Variants in FAM222A observed in about 807,000 individuals in gnomAD.
FAM222A encodes protein FAM222A.
FAM222A carries 7 observed loss-of-function variants against 25.8 expected under a neutral mutation model. That is an observed-to-expected ratio of 0.27 (90% confidence interval 0.15 to 0.51). The LOEUF is 0.51. Ranked by LOEUF, FAM222A falls within the 20% of genes least tolerant of loss-of-function variation. FAM222A has a pLI of 0.97. For synonymous variants in FAM222A, 294 were observed against 298.8 expected, an observed-to-expected ratio of 0.98 and a Z score of 0.17; for missense variants, 573 against 640.5, an observed-to-expected ratio of 0.89 and a Z score of 1.14.
At chr12:109,745,476 CG>C (rs1470181132) in intron 2 of FAM222A, among the ~76,000 whole-genome samples, 1 of 152,136 alleles carries the variant, frequency 6.6e-6, no homozygotes, top group African/African-American at 2.4e-5. Context: ...GTGGAAATAC[CG>C]GGTCAAACGG....
chr12:109,751,735 C>A (rs1888564123), intron 2 of FAM222A, among the ~76,000 whole-genome samples: 1 of 152,246 alleles, frequency 6.6e-6, no homozygotes, highest in African/African-American at 2.4e-5. Context: ...CCTCCTTTCA[C>A]TGCTTCAAAT....
intron 2 of FAM222A, 41 bp from the exon 3 acceptor site, chr12:109,767,971 T>C: frequency 6.3e-7 from 1 of 1,587,004 alleles, no homozygotes; most frequent in South Asian, 1.1e-5. Context: ...GAGGTTGGCA[T>C]GGCCTCCTGA....
chr12:109,749,386 G>A (rs564897665), intron 2 of FAM222A, among the ~76,000 whole-genome samples: 1 of 152,354 alleles, frequency 6.6e-6, no homozygotes, highest in East Asian at 1.9e-4. Context: ...GATTATGGGT[G>A]TGAGCCACCA....
chr12:109,733,334 A>G (rs1231547913), intron 1 of FAM222A, among the ~76,000 whole-genome samples: 2 of 152,196 alleles, frequency 1.3e-5, no homozygotes, highest in East Asian at 1.9e-4. Context: ...GTGAAGTAAA[A>G]TATATTATTA....
rs551053669 is a variant in FAM222A at position 109,720,343 on chromosome 12, C to T, written c.-47+5446C>T. 2.6e-5 allele frequency among the ~76,000 whole-genome samples: 4 copies of T among 152,302 alleles called. No individual in the cohort carries two copies. In the South Asian group the frequency reaches 8.3e-4, roughly 32 times the overall value. On this transcript the variant is annotated intron_variant, in intron 1 of 2. Coordinates refer to ENST00000538780, the MANE Select transcript of FAM222A (RefSeq NM_032829.3). ...CCAGAGTCTGTGGGGAGGGGGGCCT[C>T]CCTTGGAGGAGGAGGGAGGTCCAGC...
intron 2 of FAM222A, among the ~76,000 whole-genome samples, chr12:109,763,437 G>T (rs1416225633): frequency 1.3e-5 from 2 of 152,252 alleles, no homozygotes; most frequent in Non-Finnish European, 2.9e-5. Flanking sequence ...CTCAGGGTCT[G>T]TCATGAGGTT....
chr12:109,754,153 G>A (rs1221806547), intron 2 of FAM222A, among the ~76,000 whole-genome samples: 1 of 152,158 alleles, frequency 6.6e-6, no homozygotes, highest in Non-Finnish European at 1.5e-5. Context: ...AAAATCAGAG[G>A]GAGACAAAGA....
intron 2 of FAM222A, among the ~76,000 whole-genome samples, chr12:109,760,047 T>G (rs1592798267): frequency 6.6e-6 from 1 of 151,970 alleles, no homozygotes; most frequent in Admixed American, 6.5e-5. Context: ...GGGCCAGGGG[T>G]ATGTAGGCAA....
chr12:109,729,931 C>T (rs910958233), intron 1 of FAM222A, among the ~76,000 whole-genome samples: 3 of 152,272 alleles, frequency 2.0e-5, no homozygotes, highest in African/African-American at 7.2e-5. Flanking sequence ...GCTAGCTGAC[C>T]TGCCTGAGGC....
intron 2 of FAM222A, among the ~76,000 whole-genome samples, chr12:109,753,650 A>G (rs1888625681): frequency 6.6e-6 from 1 of 152,052 alleles, no homozygotes; most frequent in African/African-American, 2.4e-5. Context: ...AGAAGCTTTG[A>G]AGGGCTTGTC....
At chr12:109,717,960 C>T (rs924149982) in intron 1 of FAM222A, among the ~76,000 whole-genome samples, 2 of 152,144 alleles carry the variant, frequency 1.3e-5, no homozygotes, top group Non-Finnish European at 2.9e-5. Context: ...CAGGCTCTGG[C>T]GTGGGTTGGG....
At chr12:109,763,388 G>A (rs1213939784) in intron 2 of FAM222A, among the ~76,000 whole-genome samples, 1 of 152,222 alleles carries the variant, frequency 6.6e-6, no homozygotes, top group Non-Finnish European at 1.5e-5. Flanking sequence ...TGGTTTCTGT[G>A]GCTTAGGAAG....
chr12:109,747,264 TTA>T (rs1255803904), intron 2 of FAM222A, among the ~76,000 whole-genome samples: 1 of 152,184 alleles, frequency 6.6e-6, no homozygotes, highest in Non-Finnish European at 1.5e-5. Flanking sequence ...TGGCTAATTT[TTA>T]TATGTTTTAG....
chr12:109,713,860 T>C lies in FAM222A; in HGVS notation c.-1084T>C, dbSNP rs1170436212. ...GAGCGGAGCAGCGGGCAGGACTGCC[T>C]GGCCGGCTGCTCCGCGGAGAGGCTG... On this transcript the variant is annotated 5_prime_UTR_variant, in exon 1 of 3. Transcript: ENST00000538780. Among the ~76,000 whole-genome samples the C allele has an allele frequency of 6.7e-6, 1 of 148,628 alleles. No homozygotes were observed. Among genetic ancestry groups the C allele is most frequent in the Admixed American group, 6.7e-5 (1 of 14,992 alleles).
intron 2 of FAM222A, among the ~76,000 whole-genome samples, chr12:109,757,004 C>G (rs1453624008): frequency 1.3e-5 from 2 of 152,146 alleles, no homozygotes; most frequent in African/African-American, 2.4e-5. Flanking sequence ...ATTGCTAATT[C>G]AATCTCTTTA....
At chr12:109,755,402 C>T (rs892473868) in intron 2 of FAM222A, among the ~76,000 whole-genome samples, 4 of 147,434 alleles carry the variant, frequency 2.7e-5, no homozygotes, top group South Asian at 2.2e-4. Flanking sequence ...AATCTCGGCT[C>T]ACCGCAACCT....
chr12:109,741,848 C>G (rs1888248512), intron 1 of FAM222A, among the ~76,000 whole-genome samples: 1 of 152,220 alleles, frequency 6.6e-6, no homozygotes, highest in Non-Finnish European at 1.5e-5. Flanking sequence ...TGACCTCCCT[C>G]CTTACTGGCC....
intron 1 of FAM222A, among the ~76,000 whole-genome samples, chr12:109,721,337 C>T (rs1181693472): frequency 2.0e-5 from 3 of 152,228 alleles, no homozygotes; most frequent in Admixed American, 1.3e-4. Context: ...GCTTCACGAC[C>T]TTCAGCAGGT....
At chr12:109,736,192 C>T (rs769426591) in intron 1 of FAM222A, among the ~76,000 whole-genome samples, 15 of 152,232 alleles carry the variant, frequency 9.9e-5, no homozygotes, top group Non-Finnish European at 1.9e-4. Context: ...CAGCCTGGAG[C>T]TCCTTCATGT....
Sources: allele counts gnomAD v4.1 joint callset (sites outside exome capture counted in the v4.1 genomes callset), GRCh38; gene constraint gnomAD v4.1.1; transcripts MANE v1.5; gene names NCBI Gene and HGNC (gene_info 2026-07-23, HGNC 2026-07-21).